CSGALNACT1: variants seen among roughly 807,000 people sequenced by gnomAD.
The protein encoded by CSGALNACT1 is chondroitin sulfate N-acetylgalactosaminyltransferase 1.
CSGALNACT1 carries 52 observed loss-of-function variants against 51.0 expected under a neutral mutation model. The observed-to-expected ratio is 1.02, with a 90% CI of 0.82 to 1.29. CSGALNACT1 has a LOEUF of 1.29. Ranked by LOEUF, CSGALNACT1 falls within the 50% of genes most tolerant of loss-of-function variation. The probability of loss-of-function intolerance (pLI) is 0.00; values close to 1 mark genes in which losing one functional copy is unlikely to be tolerated. For synonymous variants in CSGALNACT1, 341 were observed against 254.4 expected (o/e 1.34, Z -3.24); for missense variants, 935 against 679.2 (o/e 1.38, Z -4.19).
chr8:19,528,662 G>A (rs1475597528), intron 3 of CSGALNACT1, among the ~76,000 whole-genome samples: 1 of 152,030 alleles, frequency 6.6e-6, no homozygotes, highest in African/African-American at 2.4e-5. Flanking sequence ...ATCCAACCAA[G>A]ACCCAAATCT....
intron 2 of CSGALNACT1, among the ~76,000 whole-genome samples, chr8:19,598,289 C>T (rs1174986243): frequency 6.6e-6 from 1 of 152,162 alleles, no homozygotes; most frequent in Admixed American, 6.5e-5. Flanking sequence ...CAGTATGAAC[C>T]TCCTGGAGTA....
chr8:19,415,358 A>C (rs563899145), intron 8 of CSGALNACT1, among the ~76,000 whole-genome samples: 26 of 152,358 alleles, frequency 1.7e-4, no homozygotes, highest in African/African-American at 6.3e-4. Context: ...CTTCATCTCA[A>C]GGAGAAGAAT....
intron 3 of CSGALNACT1, among the ~76,000 whole-genome samples, chr8:19,553,491 T>C (rs920886361): frequency 1.9e-4 from 29 of 151,262 alleles, no homozygotes; most frequent in Non-Finnish European, 2.8e-4. Flanking sequence ...TATCCCAAAC[T>C]CCTATCACTC....
intron 1 of CSGALNACT1, among the ~76,000 whole-genome samples, chr8:19,709,766 T>G (rs553771732): frequency 7.2e-5 from 11 of 152,306 alleles, no homozygotes; most frequent in Non-Finnish European, 1.5e-4. Context: ...GGGTGTGGCA[T>G]GGGGAGTTTT....
At chr8:19,660,865 A>C (rs1232387707) in intron 1 of CSGALNACT1, among the ~76,000 whole-genome samples, 1 of 152,142 alleles carries the variant, frequency 6.6e-6, no homozygotes, top group Non-Finnish European at 1.5e-5. Flanking sequence ...CAAAACCTCC[A>C]GAATGACCTC....
intron 3 of CSGALNACT1, among the ~76,000 whole-genome samples, chr8:19,576,631 T>C (rs1038199251): frequency 3.3e-5 from 5 of 151,896 alleles, no homozygotes; most frequent in African/African-American, 1.2e-4. Flanking sequence ...CTCTGGGCAC[T>C]AATGATCTCT....
At chr8:19,468,431 G>C (rs1418515057) in intron 4 of CSGALNACT1, among the ~76,000 whole-genome samples, 8 of 152,196 alleles carry the variant, frequency 5.3e-5, no homozygotes, top group African/African-American at 1.9e-4. Flanking sequence ...CACCTTCACA[G>C]GTGCAAACCT....
chr8:19,500,212 C>A (rs1185821171), intron 4 of CSGALNACT1, among the ~76,000 whole-genome samples: 1 of 152,010 alleles, frequency 6.6e-6, no homozygotes. Context: ...TCAGAAGGAC[C>A]CCGGTTCTGC....
intron 6 of CSGALNACT1, among the ~76,000 whole-genome samples, chr8:19,424,916 C>T (rs1324923732): frequency 6.6e-6 from 1 of 152,202 alleles, no homozygotes; most frequent in South Asian, 2.1e-4. Context: ...CTGCTTTATT[C>T]TCTGTCCTGC....
At chr8:19,524,049 T>C (rs1219664863) in intron 3 of CSGALNACT1, among the ~76,000 whole-genome samples, 2 of 152,184 alleles carry the variant, frequency 1.3e-5, no homozygotes, top group African/African-American at 4.8e-5. Flanking sequence ...ATCCCAGTGC[T>C]GTGGGAAGCT....
chr8:19,446,936 A>G (rs2062226688), intron 5 of CSGALNACT1, among the ~76,000 whole-genome samples: 1 of 152,222 alleles, frequency 6.6e-6, no homozygotes, highest in South Asian at 2.1e-4. Flanking sequence ...TATTGTAACA[A>G]GAGAGTATGG....
intron 1 of CSGALNACT1, among the ~76,000 whole-genome samples, chr8:19,750,472 A>C (rs1490740022): frequency 1.3e-5 from 2 of 152,234 alleles, no homozygotes. Flanking sequence ...GATGAGAAGA[A>C]GAAAACGGAC....
At chr8:19,554,824 A>G (rs2089288427) in intron 3 of CSGALNACT1, among the ~76,000 whole-genome samples, 1 of 152,160 alleles carries the variant, frequency 6.6e-6, no homozygotes, top group Non-Finnish European at 1.5e-5. Flanking sequence ...AGGCTGAGAC[A>G]GGATAATCAC....
intron 1 of CSGALNACT1, among the ~76,000 whole-genome samples, chr8:19,643,547 A>T (rs78813138): frequency 1.3e-5 from 2 of 152,040 alleles, no homozygotes; most frequent in Non-Finnish European, 2.9e-5. Context: ...CTAAGACAAA[A>T]GAGTTGCTTG....
At chr8:19,405,079 T>G (rs1483394379) in exon 10 of CSGALNACT1, 2 of 453,748 alleles carry the variant, frequency 4.4e-6, no homozygotes, top group Admixed American at 4.7e-5. Context: ...GTAGGCCAAC[T>G]TGTGCTCTCT....
intron 1 of CSGALNACT1, among the ~76,000 whole-genome samples, chr8:19,743,192 C>G (rs7832074): frequency 6.6e-6 from 1 of 152,066 alleles, no homozygotes. Flanking sequence ...CCAACATGAG[C>G]TGCTGGAACC....
chr8:19,533,255 T>C (rs185942864), intron 3 of CSGALNACT1, among the ~76,000 whole-genome samples: 2 of 152,208 alleles, frequency 1.3e-5, no homozygotes, highest in East Asian at 3.9e-4. Flanking sequence ...TAGCTAGACC[T>C]ACAGGTACAT....
chr8:19,440,891 T>C (rs906857134), intron 5 of CSGALNACT1, among the ~76,000 whole-genome samples: 2 of 152,130 alleles, frequency 1.3e-5, no homozygotes, highest in Non-Finnish European at 2.9e-5. Context: ...AAAATCAATG[T>C]ACAAAAATCA....
chr8:19,604,745 TAAA>T (rs36019022), upstream of CSGALNACT1, among the ~76,000 whole-genome samples: 9 of 130,314 alleles, frequency 6.9e-5, no homozygotes, highest in Admixed American at 2.3e-4. Context: ...GTCTCTACTT[TAAA>T]AAAAAAAAAA....
Sources: allele counts gnomAD v4.1 joint callset (sites outside exome capture counted in the v4.1 genomes callset), GRCh38; gene constraint gnomAD v4.1.1; transcripts MANE v1.5; gene names NCBI Gene and HGNC (gene_info 2026-07-23, HGNC 2026-07-21).